The following HSPA9 variants were observed in gnomAD, a reference collection of about 807,000 sequenced individuals.
HSPA9 encodes the protein heat shock protein family A (Hsp70) member 9, also known as stress-70 protein, mitochondrial.
In HSPA9, 28 loss-of-function variants were observed where a neutral mutation model predicts 81.5. The observed-to-expected ratio is 0.34, with a 90% CI of 0.25 to 0.47. The LOEUF is 0.47. Ranked by LOEUF, HSPA9 falls within the 20% of genes least tolerant of loss-of-function variation. The pLI is 1.00. For synonymous variants in HSPA9, 293 were observed against 290.4 expected (o/e 1.01, Z -0.09); for missense variants, 678 against 838.0 (o/e 0.81, Z 2.36).
At chr5:138,573,272 AC>A (rs1170870370) in intron 3 of HSPA9, among the ~76,000 whole-genome samples, 1 of 151,248 alleles carries the variant, frequency 6.6e-6, no homozygotes, top group Non-Finnish European at 1.5e-5. Flanking sequence ...CAGGTAATCC[AC>A]CCCCCTTGGC....
In HSPA9 at chr5:138,559,228, C is replaced by T. The variant is rs537909307; in HGVS notation, c.1411-571G>A. 3.3e-5 allele frequency among the ~76,000 whole-genome samples: 5 copies of T among 152,134 alleles called. No individual in the cohort carries two copies. The South Asian group carries it at 1.0e-3, about 32-fold the overall frequency. Reference sequence around the variant, plus strand: ...TCAAGTGATCCACCCACCTCAGCCTCCTGAGTAGCTGGGACTACAGGTACA... The same window carrying T: ...TCAAGTGATCCACCCACCTCAGCCTTCTGAGTAGCTGGGACTACAGGTACA... On this transcript the variant is annotated intron_variant, in intron 11 of 16. Transcript: ENST00000297185.
intron 9 of HSPA9, among the ~76,000 whole-genome samples, chr5:138,565,976 A>C (rs1326009232): frequency 1.3e-5 from 2 of 152,174 alleles, no homozygotes; most frequent in Non-Finnish European, 2.9e-5. Flanking sequence ...ACCTGAGGTC[A>C]GGAGTCCAAG....
At chr5:138,566,479 C>A in intron 9 of HSPA9, 147 bp downstream of exon 9, 1 of 694,222 alleles carries the variant, frequency 1.4e-6, no homozygotes, top group Non-Finnish European at 2.6e-6. Context: ...GTGCTCATGG[C>A]AAAGGTCTCT....
At chr5:138,572,799 G>A (rs1485766788) in intron 3 of HSPA9, among the ~76,000 whole-genome samples, 1 of 151,966 alleles carries the variant, frequency 6.6e-6, no homozygotes, top group Non-Finnish European at 1.5e-5. Flanking sequence ...GATATCTGTG[G>A]CCAACCCCCC....
chr5:138,570,781 G>A (rs1295195390), intron 4 of HSPA9, 179 bp downstream of exon 4: 23 of 635,766 alleles, frequency 3.6e-5, no homozygotes, highest in South Asian at 7.0e-5. Flanking sequence ...CACTGCACTG[G>A]CCAAAAATGA....
Position 138,561,748 on chromosome 5 carries a change from T to A in HSPA9, c.1014A>T (p.Gly338=), listed in dbSNP as rs1750665469. ...TCAACTTCATATTCAAATGCTTGGGTCCAGAAGAATCCATTGTAAGATAGG... is the reference window on the plus strand; with the variant it reads ...TCAACTTCATATTCAAATGCTTGGGACCAGAAGAATCCATTGTAAGATAGG... The part of the protein sequence containing the change: ...NLPYLTMDSS[G]PKHLNMKLTR... The change falls in exon 10 of 17, where the codon GGA becomes GGT. Residue 338 remains glycine (G), a synonymous_variant. Coordinates refer to ENST00000297185, the MANE Select transcript of HSPA9 (RefSeq NM_004134.7). 6.2e-7 allele frequency: 1 copy of A among 1,614,174 alleles called. No individual in the cohort carries two copies. The highest frequency in any genetic ancestry group is 1.3e-5 in the African/African-American group (1 of 75,046).
intron 1 of HSPA9, chr5:138,575,023 G>A (rs1751056249): frequency 3.3e-6 from 2 of 599,438 alleles, no homozygotes; most frequent in South Asian, 4.1e-5. Context: ...ACTCTAGATC[G>A]CGAGGGGTGT....
At chr5:138,570,287 C>T (rs1461102377) in intron 4 of HSPA9, among the ~76,000 whole-genome samples, 1 of 152,054 alleles carries the variant, frequency 6.6e-6, no homozygotes, top group Non-Finnish European at 1.5e-5. Context: ...CCAACTTGGG[C>T]AACATAGTGA....
chr5:138,557,800 T>C, intron 13 of HSPA9, 69 bp downstream of exon 13: 2 of 928,162 alleles, frequency 2.2e-6, no homozygotes, highest in Non-Finnish European at 3.6e-6. Flanking sequence ...GGACTCATCA[T>C]TCTAAGAGGG....
chr5:138,557,434 C>T lies in HSPA9; in HGVS notation c.1696G>A (p.Glu566Lys), dbSNP rs759911465. Reference sequence around the variant, plus strand: ...CGCCGGTCTTCTTCAGCATATTTCTCTGCATTTTTAACCATATTTTCAATA... The same window carrying T: ...CGCCGGTCTTCTTCAGCATATTTCTTTGCATTTTTAACCATATTTTCAATA... The part of the protein sequence containing the change: ...DDIENMVKNA[E>K]KYAEEDRRKK... Residue 566 changes from glutamate (E) to lysine (K), a missense_variant, in exon 14 of 17, where the codon GAG becomes AAG. By Grantham distance (56) the Glu-to-Lys change is moderately conservative. This residue lies in a region of HSPA9 where 484 missense variants were observed against 647.5 expected (regional missense o/e 0.75). Transcript: ENST00000297185. 16 of 1,610,938 alleles carry T rather than the reference C, an allele frequency of 9.9e-6. No individual in the cohort carries two copies. The South Asian group carries it at 1.7e-4, about 17-fold the overall frequency.
chr5:138,555,115 A>G lies in HSPA9; in HGVS notation c.*922T>C, dbSNP rs879683453. ...TAGAAACTTTCAAGATTCTAAATGTACCAAAGGTCTAAGGGGAGAAAATAA... is the reference window on the plus strand; with the variant it reads ...TAGAAACTTTCAAGATTCTAAATGTGCCAAAGGTCTAAGGGGAGAAAATAA... On this transcript the variant is annotated 3_prime_UTR_variant, in exon 17 of 17. Coordinates refer to ENST00000297185, the MANE Select transcript of HSPA9 (RefSeq NM_004134.7). 6.6e-6 allele frequency: 1 copy of G among 152,196 alleles called. No homozygotes were observed. The highest frequency in any genetic ancestry group is 1.5e-5 in the Non-Finnish European group (1 of 68,046). 9.4% of individuals were successfully genotyped at this position (152,196 alleles called of 1,614,324 possible). A position where few individuals can be genotyped will look rare whatever the true frequency, so the allele number is the denominator to read the frequency against.
chr5:138,559,983 C>T lies in HSPA9; in HGVS notation c.1291G>A (p.Asp431Asn), dbSNP rs952734654. 1.2e-6 allele frequency: 2 copies of T among 1,614,090 alleles called. No individual in the cohort carries two copies. The highest frequency in any genetic ancestry group is 1.1e-5 in the South Asian group (1 of 91,076). ...TCAAGGAGCAGCACATCCGTGACAT[C>T]GCCGGCCAACACACCTCCCTGAATG... Reference protein sequence around the residue: ...AAIQGGVLAGDVTDVLLLDVT... With the variant: ...AAIQGGVLAGNVTDVLLLDVT... The change falls in exon 11 of 17, where the codon GAT becomes AAT. Residue 431 changes from aspartate (D) to asparagine (N), a missense_variant. By Grantham distance (23) the Asp-to-Asn change is conservative (BLOSUM62 1). Coordinates refer to ENST00000297185, the MANE Select transcript of HSPA9 (RefSeq NM_004134.7).
intron 8 of HSPA9, 133 bp downstream of exon 8, chr5:138,566,868 A>T: frequency 8.5e-7 from 1 of 1,176,704 alleles, no homozygotes; most frequent in Non-Finnish European, 1.3e-6. Flanking sequence ...TAGGGAAAAA[A>T]AATATTCTGA....
rs1750586742 is a variant in HSPA9 at position 138,558,669 on chromosome 5, G to A, written c.1411-12C>T. 2 of 1,541,564 alleles carry A rather than the reference G, an allele frequency of 1.3e-6. No individual in the cohort carries two copies. The highest frequency in any genetic ancestry group is 1.1e-5 in the South Asian group (1 of 89,668). ...GCAGTAGAGAATACCTAGGGAAGAAGAAACCCTCCTGGGTTGTCAATGTGA... is the reference window on the plus strand; with the variant it reads ...GCAGTAGAGAATACCTAGGGAAGAAAAAACCCTCCTGGGTTGTCAATGTGA... On this transcript the variant is annotated splice_polypyrimidine_tract_variant and intron_variant, in intron 11 of 16. Coordinates refer to ENST00000297185, the MANE Select transcript of HSPA9 (RefSeq NM_004134.7).
intron 11 of HSPA9, 125 bp downstream of exon 11, chr5:138,559,739 A>C: frequency 2.7e-6 from 2 of 730,544 alleles, no homozygotes; most frequent in Non-Finnish European, 4.9e-6. Context: ...TTAACTGTTT[A>C]ATATTCTAAA....
rs777494153 is a variant in HSPA9 at position 138,557,981 on chromosome 5, T to C, written c.1521A>G (p.Gly507=). Residue 507 remains glycine, a synonymous_variant, in exon 13 of 17, where the codon GGA becomes GGG. Transcript: ENST00000297185. ...GAACTCCACGAGGGGCTGGTGGAAT[T>C]CCAATCTAAAATAAATAATATCCAG... ...NKLLGQFTLI[G]IPPAPRGVPQ... 11 of 1,598,600 alleles carry C rather than the reference T, an allele frequency of 6.9e-6. No individual in the cohort carries two copies. Among genetic ancestry groups the C allele is most frequent in the Non-Finnish European group, 1.7e-6 (2 of 1,166,722 alleles).
At chr5:138,567,337 A>C in intron 7 of HSPA9, 118 bp downstream of exon 7, 1 of 1,050,014 alleles carries the variant, frequency 9.5e-7, no homozygotes, top group Non-Finnish European at 1.4e-6. Context: ...GAAATGAAAA[A>C]ACAAAGACAA....
At chr5:138,567,322 G>T (rs941619606) in intron 7 of HSPA9, 133 bp downstream of exon 7, 1 of 1,006,350 alleles carries the variant, frequency 9.9e-7, no homozygotes, top group Non-Finnish European at 1.5e-6. Context: ...GAAAAGAATG[G>T]TTTTGAAATG....
rs1358034476 is a variant in HSPA9 at position 138,559,884 on chromosome 5, T to G, written c.1390A>C (p.Ile464Leu). The G allele has an allele frequency of 6.2e-7, 1 of 1,612,660 alleles. No individual in the cohort carries two copies. Among genetic ancestry groups the G allele is most frequent in the Non-Finnish European group, 8.5e-7 (1 of 1,178,672 alleles). ...CTTACCTGGCTCTTCTTGGTTGGAA[T>G]AGTGGTATTCCTATTAATAAGTTTG... ...FTKLINRNTT[I>L]PTKKSQVFST... Residue 464 changes from isoleucine to leucine, a missense_variant, in exon 11 of 17, where the codon ATT becomes CTT. This residue lies in a region of HSPA9 where 484 missense variants were observed against 647.5 expected (regional missense o/e 0.75). Coordinates refer to ENST00000297185, the MANE Select transcript of HSPA9 (RefSeq NM_004134.7).
Sources: gnomAD v4.1 joint callset for allele counts (sites outside exome capture counted in the v4.1 genomes callset) on GRCh38, gnomAD v4.1.1 for gene constraint, gnomAD v4.1.1 regional missense constraint, MANE v1.5 for transcripts, NCBI Gene and HGNC (gene_info 2026-07-23, HGNC 2026-07-21) for gene names.